GAD2: variants seen among roughly 807,000 people sequenced by gnomAD.
The protein encoded by GAD2 is glutamate decarboxylase 2.
A neutral mutation model predicts 80.1 loss-of-function variants in GAD2; 22 were observed. The observed-to-expected ratio is 0.27, with a 90% confidence interval of 0.20 to 0.39. The LOEUF is 0.39. Among genes scored for constraint, GAD2 ranks in the 10% least tolerant of loss-of-function variants. GAD2 has a pLI of 1.00. For missense variants in GAD2, 624 were observed against 738.4 expected (o/e 0.85, Z 1.80); for synonymous variants, 274 against 256.9 (o/e 1.07, Z -0.64).
At chr10:26,284,674 C>T (rs931663139) in intron 12 of GAD2, among the ~76,000 whole-genome samples, 2 of 147,444 alleles carry the variant, frequency 1.4e-5, no homozygotes, top group Non-Finnish European at 3.0e-5. Flanking sequence ...TGGGTTCAAG[C>T]GATTCTCCTG....
chr10:26,218,551 TCACACACACACACA>T (rs59054319), intron 3 of GAD2, among the ~76,000 whole-genome samples: 1 of 118,780 alleles, frequency 8.4e-6, no homozygotes, highest in African/African-American at 3.1e-5. Context: ...TCTCTCTCTC[TCACACACACACACA>T]CACACACACA....
chr10:26,268,392 C>T (rs569971233), intron 8 of GAD2, among the ~76,000 whole-genome samples: 4 of 149,040 alleles, frequency 2.7e-5, no homozygotes, highest in East Asian at 2.0e-4. Context: ...GGTGTGAACC[C>T]GGGAGGCGGA....
intron 10 of GAD2, 103 bp from the exon 11 acceptor site, chr10:26,273,533 A>G: frequency 1.1e-6 from 1 of 917,908 alleles, no homozygotes; most frequent in Non-Finnish European, 1.8e-6. Context: ...CAACTTCCTA[A>G]GTGGCCTGGG....
intron 7 of GAD2, among the ~76,000 whole-genome samples, chr10:26,242,323 C>T (rs1285522295): frequency 6.6e-6 from 1 of 152,180 alleles, no homozygotes; most frequent in East Asian, 1.9e-4. Flanking sequence ...AGAGAACCCT[C>T]TAGGTTCTCT....
chr10:26,273,847 C>CCTG, intron 11 of GAD2, 147 bp downstream of exon 11: 1 of 628,934 alleles, frequency 1.6e-6, no homozygotes, highest in Non-Finnish European at 2.8e-6. Flanking sequence ...TGGTATTACA[C>CCTG]TCATGAATGT....
chr10:26,233,257 C>T (rs866055143), intron 7 of GAD2, among the ~76,000 whole-genome samples: 4 of 152,246 alleles, frequency 2.6e-5, no homozygotes, highest in African/African-American at 7.2e-5. Context: ...GATTCAGCAA[C>T]AGAGCTTTGT....
intron 13 of GAD2, among the ~76,000 whole-genome samples, chr10:26,290,503 A>C (rs980306325): frequency 2.0e-4 from 31 of 152,350 alleles, no homozygotes; most frequent in African/African-American, 7.0e-4. Flanking sequence ...GCATATTATG[A>C]AAGTGAGGGA....
chr10:26,248,546 G>C (rs758315345), intron 8 of GAD2, among the ~76,000 whole-genome samples: 9 of 152,162 alleles, frequency 5.9e-5, no homozygotes, highest in Non-Finnish European at 1.3e-4. Flanking sequence ...TTTCTACAGG[G>C]AATCAAATAT....
intron 11 of GAD2, among the ~76,000 whole-genome samples, chr10:26,275,143 A>G (rs1845184144): frequency 6.6e-6 from 1 of 152,232 alleles, no homozygotes; most frequent in South Asian, 2.1e-4. Context: ...GAGAGACAAT[A>G]AAAGAGAGAG....
At chr10:26,289,592 A>AT (rs776830249) in intron 13 of GAD2, among the ~76,000 whole-genome samples, 14 of 151,812 alleles carry the variant, frequency 9.2e-5, no homozygotes, top group Non-Finnish European at 1.6e-4. Flanking sequence ...TAAGATATGG[A>AT]TTTTTATTAT....
intron 7 of GAD2, among the ~76,000 whole-genome samples, chr10:26,234,714 G>GTCTT (rs1844649180): frequency 6.6e-6 from 1 of 152,138 alleles, no homozygotes; most frequent in East Asian, 1.9e-4. Flanking sequence ...AGACTGTTGG[G>GTCTT]AGGGTTCAAT....
intron 10 of GAD2, among the ~76,000 whole-genome samples, chr10:26,272,748 C>T (rs2132306469): frequency 6.6e-6 from 1 of 152,202 alleles, no homozygotes; most frequent in Non-Finnish European, 1.5e-5. Context: ...CCTGTAATCC[C>T]AGCTACTTGG....
intron 4 of GAD2, among the ~76,000 whole-genome samples, 158 bp from the exon 5 acceptor site, chr10:26,223,727 GTT>G (rs1239269604): frequency 2.7e-5 from 4 of 150,406 alleles, no homozygotes; most frequent in African/African-American, 9.9e-5. Context: ...GTGTGTGTGT[GTT>G]CTTGTGCATA....
In GAD2 at chr10:26,301,067, T is replaced by C. The variant is rs1834325065; in HGVS notation, c.*106T>C. On this transcript the variant is annotated 3_prime_UTR_variant, in exon 16 of 16. Transcript: ENST00000376261. ...GTTCCAAAGTAAATCTATTTCTATA[T>C]TGTGGTGTCAAAGTAGAGTTTAAAA... is the stretch of plus-strand genomic sequence containing the variant. 5.1e-6 allele frequency: 5 copies of C among 977,462 alleles called. No homozygotes were observed. The highest frequency in any genetic ancestry group is 3.1e-6 in the Non-Finnish European group (2 of 649,092). The allele number at this position is 977,462 out of a possible 1,614,324, so 60.5% of individuals were successfully genotyped here.
intron 13 of GAD2, among the ~76,000 whole-genome samples, chr10:26,291,575 C>T (rs1834214278): frequency 6.6e-6 from 1 of 152,194 alleles, no homozygotes; most frequent in Admixed American, 6.5e-5. Context: ...GGGCCCATCT[C>T]ATCTCCATTA....
chr10:26,299,478 T>C (rs1483520375), intron 15 of GAD2, among the ~76,000 whole-genome samples: 2 of 152,198 alleles, frequency 1.3e-5, no homozygotes, highest in African/African-American at 4.8e-5. Context: ...CAGTGGTAAA[T>C]ATATGTGGAT....
rs533164070 is a variant in GAD2 at position 26,265,691 on chromosome 10, TATA to T, written c.921-3425_921-3423del. 4.4e-3 allele frequency among the ~76,000 whole-genome samples: 675 copies of T among 152,324 alleles called. 1 individual carries two copies. Among genetic ancestry groups the T allele is most frequent in the Middle Eastern group, 0.017 (5 of 294 alleles). On this transcript the variant is annotated intron_variant, in intron 8 of 15. Coordinates refer to ENST00000376261, the MANE Select transcript of GAD2 (RefSeq NM_001134366.2). ...TAACTGTAAGCTTAAAGGCTGGATGTATAATTATTAAAGATATATGCTTACGTT... is the reference window on the plus strand; with the variant it reads ...TAACTGTAAGCTTAAAGGCTGGATGTATTATTAAAGATATATGCTTACGTT...
intron 8 of GAD2, among the ~76,000 whole-genome samples, chr10:26,253,998 G>A (rs1238250540): frequency 1.3e-5 from 2 of 152,072 alleles, no homozygotes; most frequent in Non-Finnish European, 2.9e-5. Flanking sequence ...TCATCATCAG[G>A]CATTAGTTAG....
chr10:26,245,608 T>C (rs900049616), intron 7 of GAD2, among the ~76,000 whole-genome samples: 1 of 152,036 alleles, frequency 6.6e-6, no homozygotes, highest in East Asian at 1.9e-4. Flanking sequence ...CGGCTAATTT[T>C]TTTTTTTGTA....
Sources: gnomAD v4.1 joint callset for allele counts (sites outside exome capture counted in the v4.1 genomes callset) on GRCh38, gnomAD v4.1.1 for gene constraint, MANE v1.5 for transcripts, NCBI Gene and HGNC (gene_info 2026-07-23, HGNC 2026-07-21) for gene names.